The following MDFI variants were observed in gnomAD, a reference collection of about 807,000 sequenced individuals.
MDFI encodes the protein inhibitor of MyoD family a.
A neutral mutation model predicts 22.3 loss-of-function variants in MDFI; 16 were observed. The ratio of observed to expected loss-of-function variants is 0.72; its 90% CI spans 0.49 to 1.09. The LOEUF (loss-of-function observed/expected upper bound fraction) is 1.09, where lower values mean the gene tolerates loss of function less well. MDFI is among the 50% of genes least tolerant of loss of function. MDFI has a pLI of 0.00. For missense variants in MDFI, 314 were observed against 326.1 expected, an observed-to-expected ratio of 0.96 and a Z score of 0.29; for synonymous variants, 145 against 142.7, an observed-to-expected ratio of 1.02 and a Z score of -0.12.
chr6:41,639,151 A>G, intron 2 of MDFI: 1 of 819,140 alleles, frequency 1.2e-6, no homozygotes, highest in Non-Finnish European at 1.5e-6. Flanking sequence ...TTGTGTCTCA[A>G]CTGTTTCTGC....
chr6:41,653,896 A>T lies in MDFI; in HGVS notation c.*321A>T. On this transcript the variant is annotated 3_prime_UTR_variant, in exon 5 of 5. Transcript: ENST00000230321. The surrounding 1 kb of genome is among the most constrained non-coding windows in gnomAD (Gnocchi z 4.2). ...GGGGTGGGGACCGCAGGGGGCAGCC[A>T]GGGCTGGGGAACACTGTGAAAGTTA... is the stretch of plus-strand genomic sequence containing the variant. 3.1e-5 allele frequency: 11 copies of T among 353,808 alleles called. No homozygotes were observed. The highest frequency in any genetic ancestry group is 1.1e-4 in the East Asian group (2 of 17,590). 21.9% of individuals were successfully genotyped at this position (353,808 alleles called of 1,614,324 possible).
Position 41,651,314 on chromosome 6 carries a change from C to T in MDFI, c.484+1471C>T, listed in dbSNP as rs574379666. On this transcript the variant is annotated intron_variant, in intron 4 of 4. Coordinates refer to ENST00000230321, the MANE Select transcript of MDFI (RefSeq NM_005586.4). Reference sequence around the variant, plus strand: ...TGATAAGTGCAATGATAAACTCATGCAGAGGATTACGCAAACACAGGGGGA... The same window carrying T: ...TGATAAGTGCAATGATAAACTCATGTAGAGGATTACGCAAACACAGGGGGA... 9.4e-5 allele frequency among the ~76,000 whole-genome samples: 14 copies of T among 149,392 alleles called. 2 individuals are homozygous for T. Among genetic ancestry groups the T allele is most frequent in the African/African-American group, 3.5e-4 (14 of 40,010 alleles).
At chr6:41,651,897 T>C (rs911980800) in intron 4 of MDFI, among the ~76,000 whole-genome samples, 1 of 152,252 alleles carries the variant, frequency 6.6e-6, no homozygotes, top group Non-Finnish European at 1.5e-5. Flanking sequence ...TGCATTTCTA[T>C]TCTATTCACT....
intron 2 of MDFI, chr6:41,639,949 G>C (rs1462533646): frequency 2.0e-6 from 2 of 982,722 alleles, no homozygotes; most frequent in Non-Finnish European, 1.2e-6. Flanking sequence ...GGAGGTGGGG[G>C]GTCCTCTAAA....
At position 41,649,478 on chromosome 6, in the gene MDFI, A is replaced by G. The variant is rs574315426; in HGVS notation, c.260-141A>G. On this transcript the variant is annotated intron_variant, in intron 3 of 4. Transcript: ENST00000230321. ...TAGTCATTTCTTCTCTCTGGGCCTC[A>G]GTTTCCCCATCTGCAGGATACAGGT... 45 of 746,778 alleles carry G rather than the reference A, an allele frequency of 6.0e-5. No individual in the cohort carries two copies. The African/African-American group carries it at 7.4e-4, about 12-fold the overall frequency. 46.3% of individuals were successfully genotyped at this position (746,778 alleles called of 1,614,324 possible).
chr6:41,645,230 T>G (rs1205866310), intron 2 of MDFI, among the ~76,000 whole-genome samples: 2 of 151,980 alleles, frequency 1.3e-5, no homozygotes, highest in Non-Finnish European at 2.9e-5. Context: ...TGGCTGAGTG[T>G]GTGGACGCTC....
chr6:41,646,280 C>A lies in MDFI; in HGVS notation c.231C>A (p.Asp77Glu). The change falls in exon 3 of 5, where the codon GAC becomes GAA. Residue 77 changes from aspartate (D) to glutamate (E), a missense_variant. Physicochemically the swap from Asp to Glu is conservative, Grantham distance 45 (BLOSUM62 2). Coordinates refer to ENST00000230321, the MANE Select transcript of MDFI (RefSeq NM_005586.4). ...PGIPQGLDST[D>E]LDVPTEAVTC... ...TCCCCCAGGGCCTGGACAGCACTGACCTCGACGTCCCCACAGAAGCTGTGA... is the reference window on the plus strand; with the variant it reads ...TCCCCCAGGGCCTGGACAGCACTGAACTCGACGTCCCCACAGAAGCTGTGA... 1 of 1,473,944 alleles carries A rather than the reference C, an allele frequency of 6.8e-7. No homozygotes were observed. The highest frequency in any genetic ancestry group is 9.0e-7 in the Non-Finnish European group (1 of 1,112,206). 91.3% of individuals were successfully genotyped at this position (1,473,944 alleles called of 1,614,324 possible).
At chr6:41,649,975 G>A (rs909505790) in intron 4 of MDFI, 132 bp downstream of exon 4, 9 of 769,942 alleles carry the variant, frequency 1.2e-5, no homozygotes, top group Middle Eastern at 5.4e-4. Flanking sequence ...CTCCTTCCAC[G>A]CCTACTGGAT....
chr6:41,640,451 C>G (rs1767810806), intron 2 of MDFI, among the ~76,000 whole-genome samples: 2 of 152,160 alleles, frequency 1.3e-5, no homozygotes, highest in African/African-American at 4.8e-5. Context: ...CCCCAGCACC[C>G]CAGCAGACCC....
chr6:41,647,073 G>A (rs1768078638), intron 3 of MDFI, among the ~76,000 whole-genome samples: 1 of 152,228 alleles, frequency 6.6e-6, no homozygotes, highest in African/African-American at 2.4e-5. Context: ...GCATGGCTGA[G>A]CTGGAAGCCT....
At chr6:41,643,525 G>A (rs554499310) in intron 2 of MDFI, among the ~76,000 whole-genome samples, 1 of 65,954 alleles carries the variant, frequency 1.5e-5, no homozygotes, top group Admixed American at 1.3e-4. Context: ...ACACAGCACA[G>A]GAAGGAGGGA....
intron 2 of MDFI, among the ~76,000 whole-genome samples, chr6:41,644,599 ATCT>A (rs1385361521): frequency 1.3e-5 from 2 of 151,930 alleles, no homozygotes; most frequent in African/African-American, 2.4e-5. Context: ...GGGCCACAGG[ATCT>A]TCTCCTCAGC....
chr6:41,647,968 C>A (rs1269462764), intron 3 of MDFI, among the ~76,000 whole-genome samples: 2 of 147,854 alleles, frequency 1.4e-5, no homozygotes, highest in South Asian at 4.3e-4. Flanking sequence ...GGTGTGAACC[C>A]GGGAGGCGGA....
Position 41,638,711 on chromosome 6 carries a change from G to A in MDFI, c.-11-28G>A, listed in dbSNP as rs1344653664. On this transcript the variant is annotated intron_variant, in intron 1 of 4. Transcript: ENST00000230321. This position sits in a 1 kb window ranked among gnomAD's most constrained non-coding sequence, Gnocchi z 7.6. ...GAATCGCCCCTTGCCCGCCTCCGGCGCCGCCCGCTGAGCCCTGTTTTCCGC... is the reference window on the plus strand; with the variant it reads ...GAATCGCCCCTTGCCCGCCTCCGGCACCGCCCGCTGAGCCCTGTTTTCCGC... 1 of 1,541,428 alleles carries A rather than the reference G, an allele frequency of 6.5e-7. No homozygotes were observed.
In MDFI at chr6:41,638,942, G is replaced by A; in HGVS notation, c.76+117G>A. On this transcript the variant is annotated intron_variant, in intron 2 of 4. Transcript: ENST00000230321. The surrounding 1 kb of genome is among the most constrained non-coding windows in gnomAD (Gnocchi z 7.6). ...GGGAGACCGTTCCAGGGAGCTTGGT[G>A]GGGGTAGGGACGAAAAGTCTGGGTT... The A allele has an allele frequency of 8.5e-7, 1 of 1,179,100 alleles. No individual in the cohort carries two copies. The highest frequency in any genetic ancestry group is 1.2e-6 in the Non-Finnish European group (1 of 858,568). 73.0% of individuals were successfully genotyped at this position (1,179,100 alleles called of 1,614,324 possible). A position where few individuals can be genotyped will look rare whatever the true frequency, so the allele number is the denominator to read the frequency against.
upstream of MDFI, among the ~76,000 whole-genome samples, chr6:41,637,539 C>T (rs1470418428): frequency 6.6e-6 from 1 of 152,124 alleles, no homozygotes; most frequent in Non-Finnish European, 1.5e-5. This position sits in a 1 kb window ranked among gnomAD's most constrained non-coding sequence, Gnocchi z 6.8. Context: ...ACGGGCCCGC[C>T]CAGCCCCACC....
intron 2 of MDFI, among the ~76,000 whole-genome samples, chr6:41,644,122 A>C (rs147419768): frequency 1.3e-5 from 2 of 152,174 alleles, no homozygotes; most frequent in Non-Finnish European, 2.9e-5. Context: ...GGGCTAGGAG[A>C]GGCACCATCT....
chr6:41,640,776 C>T (rs974103338), intron 2 of MDFI, among the ~76,000 whole-genome samples: 1 of 152,220 alleles, frequency 6.6e-6, no homozygotes, highest in Non-Finnish European at 1.5e-5. Context: ...CTGGTAGGGG[C>T]AGGTGGCCAA....
Position 41,638,941 on chromosome 6 carries a change from T to A in MDFI, c.76+116T>A. 3.4e-6 allele frequency: 4 copies of A among 1,182,706 alleles called. No homozygotes were observed. The South Asian group carries it at 6.2e-5, about 18-fold the overall frequency. The allele number at this position is 1,182,706 out of a possible 1,614,324, so 73.3% of individuals were successfully genotyped here. Reference sequence around the variant, plus strand: ...GGGGAGACCGTTCCAGGGAGCTTGGTGGGGGTAGGGACGAAAAGTCTGGGT... The same window carrying A: ...GGGGAGACCGTTCCAGGGAGCTTGGAGGGGGTAGGGACGAAAAGTCTGGGT... On this transcript the variant is annotated intron_variant, in intron 2 of 4. Transcript: ENST00000230321. The surrounding 1 kb of genome is among the most constrained non-coding windows in gnomAD (Gnocchi z 7.6).
Sources: allele counts gnomAD v4.1 joint callset (sites outside exome capture counted in the v4.1 genomes callset), GRCh38; gene constraint gnomAD v4.1.1; non-coding constraint Gnocchi (gnomAD v3.1); transcripts MANE v1.5; gene names NCBI Gene and HGNC (gene_info 2026-07-23, HGNC 2026-07-21).